The following RTN3 variants were observed in gnomAD, a reference collection of about 807,000 sequenced individuals.
RTN3 encodes the protein reticulon 3.
RTN3 carries 49 observed loss-of-function variants against 77.8 expected under a neutral mutation model. The observed-to-expected ratio is 0.63, with a 90% CI of 0.50 to 0.80. RTN3 has a LOEUF of 0.80. Among genes scored for constraint, RTN3 ranks in the 30% least tolerant of loss-of-function variants. RTN3 has a pLI of 0.00. For synonymous variants in RTN3, 464 were observed against 446.9 expected (o/e 1.04, Z -0.48); for missense variants, 1,236 against 1,211.9 (o/e 1.02, Z -0.29).
intron 3 of RTN3, among the ~76,000 whole-genome samples, chr11:63,748,083 C>T (rs1329969946): frequency 2.6e-5 from 4 of 151,308 alleles, no homozygotes; most frequent in East Asian, 1.9e-4. Flanking sequence ...GATGCCGAGG[C>T]GGGCAGATCA....
At chr11:63,732,925 T>A (rs1346080932) in intron 3 of RTN3, among the ~76,000 whole-genome samples, 1 of 152,152 alleles carries the variant, frequency 6.6e-6, no homozygotes, top group African/African-American at 2.4e-5. Context: ...TCAGAAGATA[T>A]TAGCAGATCA....
intron 3 of RTN3, among the ~76,000 whole-genome samples, chr11:63,728,209 G>A (rs965716808): frequency 6.6e-6 from 1 of 151,992 alleles, no homozygotes; most frequent in African/African-American, 2.4e-5. Context: ...GTGATAACAT[G>A]TGCAAAGGAT....
intron 8 of RTN3, among the ~76,000 whole-genome samples, 169 bp from the exon 9 acceptor site, chr11:63,757,987 C>G (rs898493570): frequency 6.6e-6 from 1 of 152,112 alleles, no homozygotes; most frequent in African/African-American, 2.4e-5. Context: ...CCTCGGACTC[C>G]CAAAGTGCTG....
At chr11:63,730,851 A>G (rs1435011933) in intron 3 of RTN3, among the ~76,000 whole-genome samples, 2 of 152,096 alleles carry the variant, frequency 1.3e-5, no homozygotes, top group African/African-American at 4.8e-5. Context: ...TATATTGGCA[A>G]TCTGTAATAA....
chr11:63,748,473 C>T (rs1277420225), intron 3 of RTN3, among the ~76,000 whole-genome samples: 1 of 150,866 alleles, frequency 6.6e-6, no homozygotes, highest in African/African-American at 2.4e-5. Flanking sequence ...CTCAGCCTCC[C>T]GAGTAGCTGA....
intron 3 of RTN3, among the ~76,000 whole-genome samples, chr11:63,735,602 T>TCTCTCTCTCTCTCTCTTTCTC (rs1555078117): frequency 8.0e-5 from 2 of 25,040 alleles, no homozygotes; most frequent in African/African-American, 2.6e-4. Flanking sequence ...CTCTCTCTCT[T>TCTCTCTCTCTCTCTCTTTCTC]TCTTTCAACC....
At chr11:63,710,469 G>T (rs1368539012) in intron 2 of RTN3, among the ~76,000 whole-genome samples, 1 of 151,940 alleles carries the variant, frequency 6.6e-6, no homozygotes, top group Admixed American at 6.6e-5. Context: ...CTAGTCAGAT[G>T]TGTTTTTTTC....
intron 1 of RTN3, among the ~76,000 whole-genome samples, chr11:63,697,994 G>A (rs1048133681): frequency 4.0e-5 from 6 of 151,816 alleles, no homozygotes; most frequent in East Asian, 1.9e-4. Context: ...TTTATCACCC[G>A]TATTTCCCAT....
At chr11:63,717,375 C>CTTTTT (rs1187530525) in intron 2 of RTN3, among the ~76,000 whole-genome samples, 4 of 75,186 alleles carry the variant, frequency 5.3e-5, no homozygotes, top group Non-Finnish European at 7.9e-5. Context: ...TTAACTCTGT[C>CTTTTT]TTTTTTTTTT....
At chr11:63,709,932 G>A (rs1283351875) in intron 2 of RTN3, among the ~76,000 whole-genome samples, 1 of 152,156 alleles carries the variant, frequency 6.6e-6, no homozygotes, top group Non-Finnish European at 1.5e-5. Flanking sequence ...TTTCTTAGGT[G>A]AGCAGGTAAT....
intron 3 of RTN3, among the ~76,000 whole-genome samples, chr11:63,723,778 A>G (rs61928211): frequency 0.11 from 16,669 of 152,288 alleles, 1,034 homozygotes; most frequent in South Asian, 0.16. Context: ...TTTCTAAGGT[A>G]AAAACAGTGC....
intron 1 of RTN3, among the ~76,000 whole-genome samples, chr11:63,701,666 C>T (rs1942244185): frequency 1.3e-5 from 2 of 151,938 alleles, no homozygotes; most frequent in South Asian, 4.1e-4. Context: ...ATCACTTAGA[C>T]CTGGGTGTGG....
intron 2 of RTN3, among the ~76,000 whole-genome samples, chr11:63,707,348 A>G (rs1170075635): frequency 6.6e-6 from 1 of 152,146 alleles, no homozygotes; most frequent in Non-Finnish European, 1.5e-5. Flanking sequence ...CAACACTTAC[A>G]TGTACACTCA....
At chr11:63,721,294 G>C (rs1044343662) in intron 3 of RTN3, among the ~76,000 whole-genome samples, 1 of 151,814 alleles carries the variant, frequency 6.6e-6, no homozygotes, top group African/African-American at 2.4e-5. Context: ...TTCTATGCTC[G>C]CTGGGTACGG....
chr11:63,700,465 G>A (rs1232062569), intron 1 of RTN3, among the ~76,000 whole-genome samples: 1 of 145,880 alleles, frequency 6.9e-6, no homozygotes, highest in Non-Finnish European at 1.5e-5. Context: ...TTAATTTTTT[G>A]TGGAGACAGG....
intron 2 of RTN3, among the ~76,000 whole-genome samples, chr11:63,712,652 AT>A (rs1031526017): frequency 6.6e-6 from 1 of 151,628 alleles, no homozygotes; most frequent in South Asian, 2.1e-4. Context: ...CACTCGGCTA[AT>A]TTTTTTGTAT....
chr11:63,697,253 C>CACGAATG (rs111357989), intron 1 of RTN3, among the ~76,000 whole-genome samples: 1,669 of 151,780 alleles, frequency 0.011, 33 homozygotes, highest in African/African-American at 0.037. Context: ...CACATATTTG[C>CACGAATG]ACTGGTTATT....
intron 2 of RTN3, among the ~76,000 whole-genome samples, chr11:63,712,784 C>T (rs895244979): frequency 7.9e-5 from 12 of 152,018 alleles, no homozygotes; most frequent in Non-Finnish European, 1.6e-4. Flanking sequence ...CGTGCCTGGC[C>T]GACTTCGAAT....
chr11:63,698,071 C>A (rs1435920055), intron 1 of RTN3, among the ~76,000 whole-genome samples: 3 of 152,162 alleles, frequency 2.0e-5, no homozygotes, highest in African/African-American at 7.2e-5. Context: ...GTTCCCTCCC[C>A]CTCTACCACT....
Sources: allele counts gnomAD v4.1 joint callset (sites outside exome capture counted in the v4.1 genomes callset), GRCh38; gene constraint gnomAD v4.1.1; transcripts MANE v1.5; gene names NCBI Gene and HGNC (gene_info 2026-07-23, HGNC 2026-07-21).